Variants in XPO7 observed in about 807,000 individuals in gnomAD.
The protein encoded by XPO7 is exportin 7.
In XPO7, 21 loss-of-function variants were observed where a neutral mutation model predicts 144.3. That is an observed-to-expected ratio of 0.15 (90% CI 0.10 to 0.21). XPO7 has a LOEUF of 0.21. XPO7 is among the 10% of genes least tolerant of loss of function. XPO7 has a pLI of 1.00. For missense variants in XPO7, 808 were observed against 1,325.8 expected (o/e 0.61, Z 6.06); for synonymous variants, 580 against 499.6 (o/e 1.16, Z -2.15).
chr8:21,981,524 A>G (rs114284880), intron 9 of XPO7, among the ~76,000 whole-genome samples: 2,143 of 152,308 alleles, frequency 0.014, 60 homozygotes, highest in African/African-American at 0.049. Flanking sequence ...AACATATGAG[A>G]TAATAAATGT....
chr8:21,980,913 G>C (rs1424078939), intron 9 of XPO7, among the ~76,000 whole-genome samples: 3 of 152,030 alleles, frequency 2.0e-5, no homozygotes, highest in African/African-American at 7.2e-5. Flanking sequence ...TTCATAACTC[G>C]ATTGCCCTTT....
At chr8:21,967,643 C>T (rs1257145755) in intron 2 of XPO7, among the ~76,000 whole-genome samples, 1 of 152,004 alleles carries the variant, frequency 6.6e-6, no homozygotes, top group African/African-American at 2.4e-5. Context: ...AATAAATGAC[C>T]TTTTTAATCC....
chr8:21,948,653 T>C (rs1449766785), intron 1 of XPO7, among the ~76,000 whole-genome samples: 1 of 152,244 alleles, frequency 6.6e-6, no homozygotes, highest in East Asian at 1.9e-4. Context: ...GGCCTTTTCA[T>C]GTGGTTCAAC....
intron 1 of XPO7, among the ~76,000 whole-genome samples, chr8:21,936,823 G>C (rs1445119027): frequency 6.6e-6 from 1 of 152,094 alleles, no homozygotes; most frequent in Middle Eastern, 3.2e-3. Context: ...TTTTCTGGGG[G>C]TTTTTCTCTT....
chr8:21,921,152 GATAATA>G (rs749144404), intron 1 of XPO7, among the ~76,000 whole-genome samples: 2 of 152,076 alleles, frequency 1.3e-5, no homozygotes, highest in Admixed American at 1.3e-4. Context: ...TGATAATAAT[GATAATA>G]ATAATAGTAT....
At chr8:21,944,650 T>C (rs1811101402) in intron 1 of XPO7, among the ~76,000 whole-genome samples, 1 of 152,184 alleles carries the variant, frequency 6.6e-6, no homozygotes, top group East Asian at 1.9e-4. Context: ...TGGATGTTTC[T>C]CGGAGAGGGG....
intron 1 of XPO7, among the ~76,000 whole-genome samples, chr8:21,924,452 C>A (rs529994977): frequency 2.0e-5 from 3 of 152,008 alleles, no homozygotes; most frequent in African/African-American, 2.4e-5. Context: ...CCCCCTCCCC[C>A]CCCCACCCCA....
chr8:21,980,509 C>T (rs781373506), intron 9 of XPO7, among the ~76,000 whole-genome samples: 3 of 152,188 alleles, frequency 2.0e-5, no homozygotes, highest in Admixed American at 1.3e-4. Flanking sequence ...CAGAGGCTCA[C>T]GCCTGTAATC....
intron 1 of XPO7, among the ~76,000 whole-genome samples, chr8:21,936,803 A>T (rs888818378): frequency 6.6e-6 from 1 of 151,240 alleles, no homozygotes; most frequent in African/African-American, 2.4e-5. Context: ...TCACTCCTTT[A>T]TAGGTAGAAT....
intron 1 of XPO7, among the ~76,000 whole-genome samples, chr8:21,954,318 T>A (rs954819163): frequency 1.3e-5 from 2 of 152,158 alleles, no homozygotes; most frequent in Admixed American, 1.3e-4. Flanking sequence ...TGTATCAAAT[T>A]GATCCTAAAA....
intron 18 of XPO7, 62 bp from the exon 19 acceptor site, chr8:21,991,806 C>G: frequency 7.5e-7 from 1 of 1,335,468 alleles, no homozygotes; most frequent in Non-Finnish European, 1.0e-6. Context: ...CCCATCTTCC[C>G]ATATATGCAC....
intron 21 of XPO7, 80 bp from the exon 22 acceptor site, chr8:21,998,675 T>C (rs1166222651): frequency 9.4e-6 from 11 of 1,169,584 alleles, no homozygotes; most frequent in Non-Finnish European, 1.4e-5. Flanking sequence ...TCACCCAAGG[T>C]ACTCAGATGA....
At position 21,982,916 on chromosome 8, in the gene XPO7, T is replaced by G; in HGVS notation, c.1277+104T>G. On this transcript the variant is annotated intron_variant, in intron 11 of 27. Transcript: ENST00000252512. The stretch of plus-strand genomic sequence containing the variant: ...AAAGAGGTACTCGAAGCGTGTCTCA[T>G]TGGAGCCACTACTGTTCATGGTTCT... The G allele has an allele frequency of 3.0e-6, 4 of 1,343,422 alleles. No individual in the cohort carries two copies. In the South Asian group the frequency reaches 5.9e-5, roughly 20 times the overall value. 83.2% of individuals were successfully genotyped at this position (1,343,422 alleles called of 1,614,324 possible).
intron 1 of XPO7, among the ~76,000 whole-genome samples, chr8:21,935,904 A>G (rs1810806714): frequency 6.6e-6 from 1 of 151,764 alleles, no homozygotes; most frequent in South Asian, 2.1e-4. Context: ...AGCTTTCCTC[A>G]TTTTTTGGTA....
In XPO7 at chr8:21,957,489, T is replaced by C. The variant is rs140976947; in HGVS notation, c.19-9368T>C. ...TCATTTAAGTCAGTTACCATTGATTTTTCTGTATCCCAAAATTATGTTGCT... is the reference window on the plus strand; with the variant it reads ...TCATTTAAGTCAGTTACCATTGATTCTTCTGTATCCCAAAATTATGTTGCT... On this transcript the variant is annotated intron_variant, in intron 1 of 27. Coordinates refer to ENST00000252512, the MANE Select transcript of XPO7 (RefSeq NM_015024.5). 6.5e-4 allele frequency among the ~76,000 whole-genome samples: 99 copies of C among 152,306 alleles called. 3 individuals are homozygous for C. The highest frequency in any genetic ancestry group is 3.4e-3 in the Middle Eastern group (1 of 294).
chr8:21,934,438 C>T (rs1439067366), intron 1 of XPO7, among the ~76,000 whole-genome samples: 3 of 151,918 alleles, frequency 2.0e-5, no homozygotes, highest in Non-Finnish European at 2.9e-5. Context: ...GAGGCTGAGG[C>T]AGGAGAATCA....
intron 1 of XPO7, among the ~76,000 whole-genome samples, chr8:21,962,755 T>A (rs1811764989): frequency 6.6e-6 from 1 of 152,246 alleles, no homozygotes. Context: ...GGTAATATAC[T>A]CAACATACTG....
At chr8:21,974,575 C>A in intron 5 of XPO7, 95 bp from the exon 6 acceptor site, 1 of 773,424 alleles carries the variant, frequency 1.3e-6, no homozygotes, top group Non-Finnish European at 2.0e-6. Flanking sequence ...TTATGTTGCT[C>A]TTACTGGAAA....
chr8:21,942,290 A>G (rs1811018876), intron 1 of XPO7, among the ~76,000 whole-genome samples: 1 of 152,206 alleles, frequency 6.6e-6, no homozygotes, highest in Non-Finnish European at 1.5e-5. Flanking sequence ...AAGGACCTCA[A>G]AGAGCTTTTA....
Sources: allele counts gnomAD v4.1 joint callset (sites outside exome capture counted in the v4.1 genomes callset), GRCh38; gene constraint gnomAD v4.1.1; transcripts MANE v1.5; gene names NCBI Gene and HGNC (gene_info 2026-07-23, HGNC 2026-07-21).